The following PIK3CB variants were observed in gnomAD, a reference collection of about 807,000 sequenced individuals.
The protein encoded by PIK3CB is phosphatidylinositol 4,5-bisphosphate 3-kinase catalytic subunit beta isoform.
PIK3CB carries 39 observed loss-of-function variants against 136.8 expected under a neutral mutation model. That is an observed-to-expected ratio of 0.29 (90% CI 0.22 to 0.37). The LOEUF is 0.37. Among genes scored for constraint, PIK3CB ranks in the 10% least tolerant of loss-of-function variants. The pLI, the probability that PIK3CB is intolerant of heterozygous loss-of-function variation, is 1.00. For missense variants in PIK3CB, 868 were observed against 1,275.4 expected (o/e 0.68, Z 4.87); for synonymous variants, 428 against 436.6 (o/e 0.98, Z 0.25).
intron 8 of PIK3CB, among the ~76,000 whole-genome samples, chr3:138,724,278 C>T (rs1344729836): frequency 6.6e-6 from 1 of 152,158 alleles, no homozygotes; most frequent in Admixed American, 6.5e-5. Flanking sequence ...AAGGATATTA[C>T]AAAGGATAGA....
chr3:138,740,930 G>A (rs557955198), intron 5 of PIK3CB, among the ~76,000 whole-genome samples: 45 of 152,214 alleles, frequency 3.0e-4, no homozygotes, highest in African/African-American at 1.1e-3. Context: ...ACCTCACCTG[G>A]TAAAGCCAGT....
intron 3 of PIK3CB, among the ~76,000 whole-genome samples, chr3:138,756,655 C>A (rs1032284743): frequency 1.3e-5 from 2 of 152,078 alleles, no homozygotes; most frequent in African/African-American, 4.8e-5. Context: ...ACAGCCAGTA[C>A]AAAAGCTAAG....
At chr3:138,777,926 G>A in intron 2 of PIK3CB, 1 of 280,792 alleles carries the variant, frequency 3.6e-6, no homozygotes, top group Non-Finnish European at 7.1e-6. Flanking sequence ...TCTCATCAAG[G>A]ACCCCCTCAT....
chr3:138,815,160 A>AT (rs1295441430), intron 1 of PIK3CB, among the ~76,000 whole-genome samples: 10 of 79,282 alleles, frequency 1.3e-4, no homozygotes, highest in African/African-American at 2.3e-4. Flanking sequence ...AAAAAAAAAA[A>AT]AAATATATAT....
intron 23 of PIK3CB, among the ~76,000 whole-genome samples, chr3:138,655,915 C>G (rs2043184118): frequency 6.6e-6 from 1 of 152,134 alleles, no homozygotes; most frequent in Non-Finnish European, 1.5e-5. Flanking sequence ...CAGCCCAATA[C>G]CAGTCTTCTT....
chr3:138,700,987 C>T (rs998142093), intron 12 of PIK3CB, among the ~76,000 whole-genome samples: 3 of 152,036 alleles, frequency 2.0e-5, no homozygotes, highest in Non-Finnish European at 4.4e-5. Flanking sequence ...CTAGCAGACA[C>T]CGTACTAACC....
In PIK3CB at chr3:138,734,811, G is replaced by C; in HGVS notation, c.802-7C>G. The C allele has an allele frequency of 6.4e-7, 1 of 1,568,184 alleles. No individual in the cohort carries two copies. The highest frequency in any genetic ancestry group is 8.7e-7 in the Non-Finnish European group (1 of 1,154,874). On this transcript the variant is annotated splice_polypyrimidine_tract_variant and splice_region_variant and intron_variant, in intron 6 of 23. Transcript: ENST00000674063. ...TCACACAGTTCCGGATATACTATAG[G>C]GGCAAGAAAGGGGAAGGTATTGATT... is the stretch of plus-strand genomic sequence containing the variant.
In PIK3CB at chr3:138,688,965, C is replaced by T; in HGVS notation, c.2046G>A (p.Val682=). The change falls in exon 16 of 24, where the codon GTG becomes GTA. Residue 682 remains valine (V), a synonymous_variant. Transcript: ENST00000674063. Reference sequence around the variant, plus strand: ...ATTGTACTGAGACAGCAGGAATGTGCACTTCTGACCTGCAGAAAGTTAATG... The same window carrying T: ...ATTGTACTGAGACAGCAGGAATGTGTACTTCTGACCTGCAGAAAGTTAATG... ...QFLFWHLRSE[V]HIPAVSVQFG... The T allele has an allele frequency of 6.2e-7, 1 of 1,607,426 alleles. No homozygotes were observed. Among genetic ancestry groups the T allele is most frequent in the Non-Finnish European group, 8.5e-7 (1 of 1,173,978 alleles).
intron 2 of PIK3CB, among the ~76,000 whole-genome samples, chr3:138,763,139 T>C (rs2045685837): frequency 1.3e-5 from 2 of 152,066 alleles, no homozygotes; most frequent in Non-Finnish European, 1.5e-5. Context: ...TGTATGTATG[T>C]ATGTATGTAT....
intron 1 of PIK3CB, among the ~76,000 whole-genome samples, chr3:138,832,791 T>C (rs1435899560): frequency 2.1e-5 from 3 of 146,296 alleles, no homozygotes; most frequent in Non-Finnish European, 4.5e-5. Flanking sequence ...GATCGCGTCA[T>C]TGCACTCCAG....
At chr3:138,748,496 T>C (rs1371000089) in intron 4 of PIK3CB, among the ~76,000 whole-genome samples, 1 of 152,212 alleles carries the variant, frequency 6.6e-6, no homozygotes, top group African/African-American at 2.4e-5. Flanking sequence ...GTGGTCTTTG[T>C]TTATTTCTAC....
chr3:138,756,027 G>A (rs773992299), intron 3 of PIK3CB, 48 bp from the exon 4 acceptor site: 1 of 1,046,108 alleles, frequency 9.6e-7, no homozygotes, highest in South Asian at 1.3e-5. Context: ...ACTTGCTCAA[G>A]TGTACAAAGA....
chr3:138,830,538 G>A (rs1448601130), intron 1 of PIK3CB, among the ~76,000 whole-genome samples: 2 of 151,978 alleles, frequency 1.3e-5, no homozygotes, highest in Non-Finnish European at 2.9e-5. Flanking sequence ...GAACGGCAGA[G>A]CACGACTCCG....
chr3:138,783,056 G>C (rs1187629721), intron 2 of PIK3CB, among the ~76,000 whole-genome samples: 2 of 152,120 alleles, frequency 1.3e-5, no homozygotes, highest in Non-Finnish European at 2.9e-5. Context: ...TCATTAATGA[G>C]GCTACCATTA....
chr3:138,707,423 T>C (rs1018378743), intron 10 of PIK3CB, 134 bp from the exon 11 acceptor site: 8 of 1,372,718 alleles, frequency 5.8e-6, no homozygotes, highest in Admixed American at 3.8e-5. Flanking sequence ...GACAATTCTA[T>C]CAGTAATCCT....
At chr3:138,713,102 A>G (rs1382796723) in intron 9 of PIK3CB, among the ~76,000 whole-genome samples, 1 of 152,016 alleles carries the variant, frequency 6.6e-6, no homozygotes, top group Non-Finnish European at 1.5e-5. Context: ...GGATAATTCT[A>G]TATTAAGGAA....
At chr3:138,760,536 T>C (rs1306605241) in intron 2 of PIK3CB, among the ~76,000 whole-genome samples, 1 of 152,114 alleles carries the variant, frequency 6.6e-6, no homozygotes, top group Non-Finnish European at 1.5e-5. Flanking sequence ...CAATAATAAT[T>C]GGAAGAACAT....
chr3:138,760,240 A>G lies in PIK3CB; in HGVS notation c.-16-881T>C, dbSNP rs146879184. 5.9e-5 allele frequency among the ~76,000 whole-genome samples: 9 copies of G among 152,138 alleles called. No individual in the cohort carries two copies. In the East Asian group the frequency reaches 7.7e-4, roughly 13 times the overall value. ...GCCCAGCCAACAAGGACAATTTTCTATCAACCTCACGGCCCATCCCCTAAG... is the reference window on the plus strand; with the variant it reads ...GCCCAGCCAACAAGGACAATTTTCTGTCAACCTCACGGCCCATCCCCTAAG... On this transcript the variant is annotated intron_variant, in intron 2 of 23. Transcript: ENST00000674063.
At chr3:138,684,902 AC>A in intron 16 of PIK3CB, 99 bp from the exon 17 acceptor site, 1 of 757,820 alleles carries the variant, frequency 1.3e-6, no homozygotes, top group Admixed American at 2.8e-5. Context: ...CAACATATAC[AC>A]ATAACCATAA....
Sources: gnomAD v4.1 joint callset for allele counts (sites outside exome capture counted in the v4.1 genomes callset) on GRCh38, gnomAD v4.1.1 for gene constraint, MANE v1.5 for transcripts, NCBI Gene and HGNC (gene_info 2026-07-23, HGNC 2026-07-21) for gene names.